PALMD: variants seen among roughly 807,000 people sequenced by gnomAD.
PALMD encodes palmdelphin.
A neutral mutation model predicts 56.2 loss-of-function variants in PALMD; 42 were observed. The observed-to-expected ratio is 0.75, with a 90% CI of 0.58 to 0.97. The LOEUF is 0.97. PALMD is among the 50% of genes least tolerant of loss of function. The pLI, the probability that PALMD is intolerant of heterozygous loss-of-function variation, is 0.00. For synonymous variants in PALMD, 242 were observed against 222.9 expected (o/e 1.09, Z -0.76); for missense variants, 660 against 643.8 (o/e 1.03, Z -0.27).
intron 2 of PALMD, among the ~76,000 whole-genome samples, chr1:99,665,073 A>G (rs573628724): frequency 8.4e-4 from 128 of 152,238 alleles, no homozygotes; most frequent in Admixed American, 2.2e-3. Flanking sequence ...ATATGATCAC[A>G]ATCTCATGTT....
Position 99,694,497 on chromosome 1 carries a change from A to G in PALMD, c.*435A>G, listed in dbSNP as rs1490218506. 2.6e-5 allele frequency: 4 copies of G among 156,490 alleles called. No individual in the cohort carries two copies. Among genetic ancestry groups the G allele is most frequent in the African/African-American group, 9.6e-5 (4 of 41,512 alleles). The allele number at this position is 156,490 out of a possible 1,614,324, so 9.7% of individuals were successfully genotyped here. ...TCTGACAAATAAATATGTCATCCTG[A>G]ATTAATAATGCCTTAATAAAAGTAC... On this transcript the variant is annotated 3_prime_UTR_variant, in exon 8 of 8. Coordinates refer to ENST00000263174, the MANE Select transcript of PALMD (RefSeq NM_017734.5).
chr1:99,655,496 A>G (rs1333943524), intron 1 of PALMD, among the ~76,000 whole-genome samples: 1 of 152,002 alleles, frequency 6.6e-6, no homozygotes, highest in Non-Finnish European at 1.5e-5. Context: ...TCACTCTACA[A>G]CTTTGCTAGG....
At chr1:99,676,188 C>G (rs1168676792) in intron 3 of PALMD, among the ~76,000 whole-genome samples, 1 of 152,172 alleles carries the variant, frequency 6.6e-6, no homozygotes, top group African/African-American at 2.4e-5. Flanking sequence ...CCCTTTAATT[C>G]TCTGGCATGC....
intron 3 of PALMD, among the ~76,000 whole-genome samples, chr1:99,676,981 A>G (rs957430614): frequency 6.6e-5 from 10 of 152,188 alleles, no homozygotes; most frequent in African/African-American, 2.4e-4. Flanking sequence ...AGTCAACTGT[A>G]TGTACTCAAT....
Position 99,689,883 on chromosome 1 carries a change from T to C in PALMD, c.1612+11T>C. On this transcript the variant is annotated intron_variant, in intron 7 of 7. Coordinates refer to ENST00000263174, the MANE Select transcript of PALMD (RefSeq NM_017734.5). ...ATCCATCCTTAACAGGTAATAAAAA[T>C]GACAAGGCATGCCACTGCTGTTCAG... 1 of 1,578,474 alleles carries C rather than the reference T, an allele frequency of 6.3e-7. No homozygotes were observed. The highest frequency in any genetic ancestry group is 8.6e-7 in the Non-Finnish European group (1 of 1,168,650).
chr1:99,662,285 A>T lies in PALMD; in HGVS notation c.46-34A>T, dbSNP rs150191747. 1.0e-3 allele frequency: 1,164 copies of T among 1,158,642 alleles called. 6 individuals carry two copies. In the African/African-American group the frequency reaches 0.016, roughly 16 times the overall value. 71.8% of individuals were successfully genotyped at this position (1,158,642 alleles called of 1,614,324 possible). A position where few individuals can be genotyped will look rare whatever the true frequency, so the allele number is the denominator to read the frequency against. Reference sequence around the variant, plus strand: ...AAGGAAACATAATTAAGCAAATTTTAAAAATAAAATATACTGGAACTTTTT... The same window carrying T: ...AAGGAAACATAATTAAGCAAATTTTTAAAATAAAATATACTGGAACTTTTT... On this transcript the variant is annotated intron_variant, in intron 1 of 7. Coordinates refer to ENST00000263174, the MANE Select transcript of PALMD (RefSeq NM_017734.5).
intron 2 of PALMD, among the ~76,000 whole-genome samples, chr1:99,663,202 T>C (rs1200643595): frequency 6.6e-6 from 1 of 152,218 alleles, no homozygotes; most frequent in Non-Finnish European, 1.5e-5. Context: ...ATTTTTCTAA[T>C]GGAACAAGTA....
Position 99,659,748 on chromosome 1 carries a change from A to G in PALMD, c.46-2571A>G, listed in dbSNP as rs1409794336. ...AAAGGAACAATAACTCTGCTGATGA[A>G]TATCTTATGAGGAAAAAGTATGCCT... On this transcript the variant is annotated intron_variant, in intron 1 of 7. Coordinates refer to ENST00000263174, the MANE Select transcript of PALMD (RefSeq NM_017734.5). Among the ~76,000 whole-genome samples, 10 of 152,354 alleles carry G rather than the reference A, an allele frequency of 6.6e-5. No homozygotes were observed. In the East Asian group the frequency reaches 1.7e-3, roughly 26 times the overall value.
At chr1:99,683,954 T>G (rs1368437182) in intron 3 of PALMD, 1 of 152,184 alleles carries the variant, frequency 6.6e-6, no homozygotes, top group Non-Finnish European at 1.5e-5. Flanking sequence ...AAATGACACT[T>G]TATCAGAGAA....
intron 3 of PALMD, among the ~76,000 whole-genome samples, chr1:99,672,542 C>T (rs1653109764): frequency 6.6e-6 from 1 of 152,042 alleles, no homozygotes; most frequent in South Asian, 2.1e-4. Flanking sequence ...AAAATGACAC[C>T]CCCAGTAAGT....
intron 3 of PALMD, chr1:99,668,089 G>A (rs1214497650): frequency 4.4e-6 from 1 of 229,098 alleles, no homozygotes; most frequent in Non-Finnish European, 8.8e-6. Context: ...ATGTTGCCCT[G>A]GCTGGTCTAG....
chr1:99,649,778 C>T (rs1371456409), intron 1 of PALMD, among the ~76,000 whole-genome samples: 1 of 152,162 alleles, frequency 6.6e-6, no homozygotes, highest in Non-Finnish European at 1.5e-5. Flanking sequence ...CGATCATAGA[C>T]TCAGTTCTAT....
intron 3 of PALMD, among the ~76,000 whole-genome samples, chr1:99,675,563 G>A (rs1048371916): frequency 2.6e-5 from 4 of 151,998 alleles, no homozygotes; most frequent in African/African-American, 7.3e-5. Flanking sequence ...GTACTACAAG[G>A]TCCTCTACAA....
intron 6 of PALMD, 88 bp downstream of exon 6, chr1:99,687,277 C>T: frequency 7.1e-7 from 1 of 1,408,972 alleles, no homozygotes; most frequent in East Asian, 2.4e-5. Flanking sequence ...ACATATTATT[C>T]TTCCAGGTTA....
At chr1:99,653,701 C>T (rs1272257911) in intron 1 of PALMD, among the ~76,000 whole-genome samples, 4 of 152,110 alleles carry the variant, frequency 2.6e-5, no homozygotes, top group Non-Finnish European at 4.4e-5. Flanking sequence ...CACCCAGCTT[C>T]TCCTTGAGCA....
intron 3 of PALMD, among the ~76,000 whole-genome samples, chr1:99,676,418 G>A (rs554052771): frequency 2.0e-5 from 3 of 151,932 alleles, no homozygotes; most frequent in Non-Finnish European, 2.9e-5. Flanking sequence ...AGATGTAGGG[G>A]GTACAAGTGC....
intron 3 of PALMD, among the ~76,000 whole-genome samples, chr1:99,670,639 T>C (rs368280211): frequency 1.3e-5 from 2 of 152,072 alleles, no homozygotes; most frequent in East Asian, 3.9e-4. Context: ...TAAGGAATGA[T>C]CCTAAAAAGA....
chr1:99,683,019 GGAAAGAAAGAAA>G (rs1222231658), intron 3 of PALMD, among the ~76,000 whole-genome samples: 3 of 48,398 alleles, frequency 6.2e-5, no homozygotes, highest in Non-Finnish European at 1.0e-4. Context: ...AAAGAAAGAA[GGAAAGAAAGAAA>G]GAAAGAAAGA....
intron 1 of PALMD, among the ~76,000 whole-genome samples, chr1:99,654,223 A>G (rs1402210838): frequency 1.3e-5 from 2 of 152,188 alleles, no homozygotes; most frequent in South Asian, 4.1e-4. Flanking sequence ...TTGAAAGTTC[A>G]GTAAAGAAGC....
Sources: allele counts gnomAD v4.1 joint callset (sites outside exome capture counted in the v4.1 genomes callset), GRCh38; gene constraint gnomAD v4.1.1; transcripts MANE v1.5; gene names NCBI Gene and HGNC (gene_info 2026-07-23, HGNC 2026-07-21).